ZNF133: variants seen among roughly 807,000 people sequenced by gnomAD.
ZNF133 encodes zinc finger protein 133 (clone pHZ-13).
ZNF133 carries 26 observed loss-of-function variants against 54.9 expected under a neutral mutation model. The observed-to-expected ratio is 0.47, with a 90% CI of 0.35 to 0.66. The LOEUF is 0.66. Among genes scored for constraint, ZNF133 ranks in the 30% least tolerant of loss-of-function variants. ZNF133 has a pLI of 0.01. For missense variants in ZNF133, 653 were observed against 820.8 expected (o/e 0.80, Z 2.50); for synonymous variants, 298 against 320.3 (o/e 0.93, Z 0.74).
intron 1 of ZNF133, among the ~76,000 whole-genome samples, chr20:18,291,529 C>T (rs560265094): frequency 6.6e-6 from 1 of 152,236 alleles, no homozygotes; most frequent in African/African-American, 2.4e-5. Context: ...CAAATTTCCA[C>T]CGTGGAAAAG....
At chr20:18,288,708 G>T (rs958217731) in intron 1 of ZNF133, 104 bp downstream of exon 1, 6 of 398,188 alleles carry the variant, frequency 1.5e-5, no homozygotes, top group Non-Finnish European at 2.2e-5. Flanking sequence ...GGGACCGTGC[G>T]GGTGGCGCGG....
At chr20:18,300,682 G>GA (rs2043181105) in intron 3 of ZNF133, among the ~76,000 whole-genome samples, 2 of 151,964 alleles carry the variant, frequency 1.3e-5, no homozygotes, top group Admixed American at 1.3e-4. Context: ...ATTAATACCA[G>GA]AAAAAATAGA....
chr20:18,305,134 A>T lies in ZNF133; in HGVS notation c.-51A>T. 5.1e-6 allele frequency: 5 copies of T among 986,012 alleles called. No individual in the cohort carries two copies. The highest frequency in any genetic ancestry group is 6.0e-6 in the Non-Finnish European group (5 of 830,388). 61.1% of individuals were successfully genotyped at this position (986,012 alleles called of 1,614,324 possible). A position where few individuals can be genotyped will look rare whatever the true frequency, so the allele number is the denominator to read the frequency against. On this transcript the variant is annotated 5_prime_UTR_variant, in exon 4 of 7. Transcript: ENST00000425686. The surrounding 1 kb of genome is among the most constrained non-coding windows in gnomAD (Gnocchi z 4.7). ...AAGAAGCTCCATGGTGAGCACTCACAGTCTAAGGCTGGAAGTTTAATGAAC... is the reference window on the plus strand; with the variant it reads ...AAGAAGCTCCATGGTGAGCACTCACTGTCTAAGGCTGGAAGTTTAATGAAC...
At position 18,315,206 on chromosome 20, in the gene ZNF133, C is replaced by G; in HGVS notation, c.355C>G (p.Pro119Ala). Residue 119 changes from proline to alanine, a missense_variant, in exon 7 of 7, where the codon CCT (proline) becomes GCT (alanine). Around this residue, in one of 4 missense-constraint regions of ZNF133, gnomAD observed 227 missense variants for 233.9 expected, o/e 0.97. Transcript: ENST00000425686. ...CTTGTGTGCAGAAGGTAACATCCAG[C>G]CTGGGGATCCGGGCCCAGGGGACCA... ...TCLCAEGNIQ[P>A]GDPGPGDQEK... 3 of 1,613,970 alleles carry G rather than the reference C, an allele frequency of 1.9e-6. No homozygotes were observed. The highest frequency in any genetic ancestry group is 2.7e-5 in the African/African-American group (2 of 74,998).
chr20:18,303,927 AAAG>A (rs1207160743), intron 3 of ZNF133, among the ~76,000 whole-genome samples: 5 of 152,252 alleles, frequency 3.3e-5, no homozygotes, highest in Non-Finnish European at 7.3e-5. Flanking sequence ...CAATAAAAGA[AAAG>A]AATAGTGAAC....
intron 1 of ZNF133, among the ~76,000 whole-genome samples, chr20:18,291,769 G>A (rs1364781691): frequency 6.6e-6 from 1 of 150,736 alleles, no homozygotes. Context: ...CTGGAGTGCA[G>A]TGGCACAATC....
intron 1 of ZNF133, among the ~76,000 whole-genome samples, chr20:18,295,903 G>C (rs2042142489): frequency 1.3e-5 from 2 of 151,962 alleles, no homozygotes; most frequent in Admixed American, 1.3e-4. Flanking sequence ...CTTTTTATTT[G>C]TAAAAGTACT....
chr20:18,302,960 G>T (rs1191932359), intron 3 of ZNF133, among the ~76,000 whole-genome samples: 2 of 151,130 alleles, frequency 1.3e-5, no homozygotes, highest in African/African-American at 4.9e-5. Context: ...CCAAGGAGAT[G>T]AAAGACATAC....
At chr20:18,288,995 A>T (rs951376991) in intron 1 of ZNF133, among the ~76,000 whole-genome samples, 2 of 152,068 alleles carry the variant, frequency 1.3e-5, no homozygotes, top group Admixed American at 6.5e-5. Flanking sequence ...TTTTGGGGGA[A>T]TGGTATTTCC....
chr20:18,311,242 G>A (rs150924103), intron 6 of ZNF133, among the ~76,000 whole-genome samples: 3 of 152,236 alleles, frequency 2.0e-5, no homozygotes, highest in Non-Finnish European at 4.4e-5. Flanking sequence ...GATTGCTCGA[G>A]CCCAGGAATT....
At position 18,305,587 on chromosome 20, in the gene ZNF133, A is replaced by C. The variant is rs1600481847; in HGVS notation, c.-6-94A>C. ...AGGGTCACTGGGATCTTGATATCTCACCTGCCTCCCCCAGGGCAGCCTTAT... is the reference window on the plus strand; with the variant it reads ...AGGGTCACTGGGATCTTGATATCTCCCCTGCCTCCCCCAGGGCAGCCTTAT... On this transcript the variant is annotated intron_variant, in intron 4 of 6. Coordinates refer to ENST00000425686, the MANE Select transcript of ZNF133 (RefSeq NM_001352452.2). The surrounding 1 kb of genome is among the most constrained non-coding windows in gnomAD (Gnocchi z 4.7). 1.9e-6 allele frequency: 3 copies of C among 1,578,156 alleles called. No homozygotes were observed. In the South Asian group the frequency reaches 3.4e-5, roughly 18 times the overall value.
chr20:18,315,630 A>G lies in ZNF133; in HGVS notation c.779A>G (p.His260Arg), dbSNP rs2047279163. 6.2e-7 allele frequency: 1 copy of G among 1,614,000 alleles called. No individual in the cohort carries two copies. The highest frequency in any genetic ancestry group is 8.5e-7 in the Non-Finnish European group (1 of 1,179,994). The change falls in exon 7 of 7, where the codon CAC (histidine) becomes CGC (arginine). Residue 260 changes from histidine (H) to arginine (R), a missense_variant. Physicochemically the swap from His to Arg is conservative, Grantham distance 29. Coordinates refer to ENST00000425686, the MANE Select transcript of ZNF133 (RefSeq NM_001352452.2). ...AGCCTAAAGAAGAGCCTCGCCAGAC[A>G]CCAGAAGGCACACTCGGGGGAGAAG... ...GFSLKKSLAR[H>R]QKAHSGEKPI...
At chr20:18,314,931 G>T (rs989408085) in intron 6 of ZNF133, 138 bp from the exon 7 acceptor site, 2 of 761,222 alleles carry the variant, frequency 2.6e-6, no homozygotes, top group Non-Finnish European at 4.1e-6. Context: ...GTAGGCTGGA[G>T]AGTAGGCCAT....
chr20:18,296,794 T>G (rs2147065348), intron 1 of ZNF133, among the ~76,000 whole-genome samples: 1 of 152,356 alleles, frequency 6.6e-6, no homozygotes, highest in Middle Eastern at 3.4e-3. Flanking sequence ...AGAAGTCGAA[T>G]TGGTGAATCA....
Position 18,316,522 on chromosome 20 carries a change from G to T in ZNF133, c.1671G>T (p.Leu557=). ...CCTACATGTGCAGGCAGTGTGGACT[G>T]GGCTTTGGCAATAAGTCAGCTCTAA... The part of the protein sequence containing the change: ...EKPYMCRQCG[L]GFGNKSALIT... The change falls in exon 7 of 7, where the codon CTG becomes CTT. Residue 557 remains leucine (L), a synonymous_variant. Coordinates refer to ENST00000425686, the MANE Select transcript of ZNF133 (RefSeq NM_001352452.2). 2 of 1,614,044 alleles carry T rather than the reference G, an allele frequency of 1.2e-6. No individual in the cohort carries two copies. The highest frequency in any genetic ancestry group is 1.7e-6 in the Non-Finnish European group (2 of 1,179,892).
chr20:18,313,498 A>G (rs2046592509), intron 6 of ZNF133: 1 of 152,226 alleles, frequency 6.6e-6, no homozygotes, highest in Non-Finnish European at 1.5e-5. Flanking sequence ...CAGACACAGG[A>G]GTTCCTTTTA....
chr20:18,295,982 T>C (rs2042156530), intron 1 of ZNF133, among the ~76,000 whole-genome samples: 1 of 152,224 alleles, frequency 6.6e-6, no homozygotes, highest in Non-Finnish European at 1.5e-5. Context: ...TTTTTATTAC[T>C]GTTATTTTTA....
At position 18,305,682 on chromosome 20, in the gene ZNF133, C is replaced by T; in HGVS notation, c.-5C>T. 1 of 1,614,120 alleles carries T rather than the reference C, an allele frequency of 6.2e-7. No individual in the cohort carries two copies. Among genetic ancestry groups the T allele is most frequent in the Non-Finnish European group, 8.5e-7 (1 of 1,180,016 alleles). ...GCAGGGCTCAGTTTTGTGTTACAGG[C>T]ACACATGGCATTCAGGGATGTGGCT... is the stretch of plus-strand genomic sequence containing the variant. On this transcript the variant is annotated splice_region_variant and 5_prime_UTR_variant, in exon 5 of 7. Coordinates refer to ENST00000425686, the MANE Select transcript of ZNF133 (RefSeq NM_001352452.2). The surrounding 1 kb of genome is among the most constrained non-coding windows in gnomAD (Gnocchi z 4.7).
In ZNF133 at chr20:18,305,541, A is replaced by T; in HGVS notation, c.-6-140A>T. Reference sequence around the variant, plus strand: ...GGCTGGATTGAGACAGGGATTTAAAAGTCTTGGAACACATGGCACCAGGGT... The same window carrying T: ...GGCTGGATTGAGACAGGGATTTAAATGTCTTGGAACACATGGCACCAGGGT... On this transcript the variant is annotated intron_variant, in intron 4 of 6. Transcript: ENST00000425686. The surrounding 1 kb of genome is among the most constrained non-coding windows in gnomAD (Gnocchi z 4.7). The T allele has an allele frequency of 8.1e-7, 1 of 1,234,512 alleles. No homozygotes were observed. Among genetic ancestry groups the T allele is most frequent in the Non-Finnish European group, 1.1e-6 (1 of 886,410 alleles). 76.5% of individuals were successfully genotyped at this position (1,234,512 alleles called of 1,614,324 possible).
Sources: gnomAD v4.1 joint callset for allele counts (sites outside exome capture counted in the v4.1 genomes callset) on GRCh38, gnomAD v4.1.1 for gene constraint, gnomAD v4.1.1 regional missense constraint, Gnocchi (gnomAD v3.1) non-coding constraint, MANE v1.5 for transcripts, NCBI Gene and HGNC (gene_info 2026-07-23, HGNC 2026-07-21) for gene names.